ADAMTS12: variants seen among roughly 807,000 people sequenced by gnomAD.
ADAMTS12 encodes A disintegrin and metalloproteinase with thrombospondin motifs 12.
Under a neutral mutation model 167.8 loss-of-function variants are expected in ADAMTS12, and 118 were observed. The observed-to-expected ratio is 0.70, with a 90% CI of 0.61 to 0.82. ADAMTS12 has a LOEUF of 0.82. ADAMTS12 is among the 40% of genes least tolerant of loss of function. The pLI, the probability that ADAMTS12 is intolerant of heterozygous loss-of-function variation, is 0.00. For missense variants in ADAMTS12, 1,916 were observed against 1,998.8 expected, an observed-to-expected ratio of 0.96 and a Z score of 0.79; for synonymous variants, 704 against 716.9, an observed-to-expected ratio of 0.98 and a Z score of 0.29.
chr5:33,564,349 G>T (rs943578536), intron 19 of ADAMTS12, among the ~76,000 whole-genome samples: 1 of 152,214 alleles, frequency 6.6e-6, no homozygotes, highest in South Asian at 2.1e-4. Context: ...AGCTGTTGAA[G>T]CTTAGCATGG....
At chr5:33,825,273 C>G (rs1748018622) in intron 2 of ADAMTS12, among the ~76,000 whole-genome samples, 1 of 152,170 alleles carries the variant, frequency 6.6e-6, no homozygotes, top group Non-Finnish European at 1.5e-5. Flanking sequence ...AGAGTCAAGT[C>G]ATCTACTGAA....
intron 2 of ADAMTS12, among the ~76,000 whole-genome samples, chr5:33,771,397 G>A (rs1170354179): frequency 6.6e-6 from 1 of 152,134 alleles, no homozygotes; most frequent in African/African-American, 2.4e-5. Flanking sequence ...ACCTCAAAAA[G>A]TCAAAGAAAA....
chr5:33,661,801 T>C, intron 6 of ADAMTS12, 115 bp downstream of exon 6: 1 of 1,451,884 alleles, frequency 6.9e-7, no homozygotes, highest in East Asian at 2.3e-5. Flanking sequence ...ACACTGTCTT[T>C]ACAAGAGCAG....
At chr5:33,541,805 C>G (rs1744708798) in intron 22 of ADAMTS12, among the ~76,000 whole-genome samples, 1 of 152,142 alleles carries the variant, frequency 6.6e-6, no homozygotes, top group South Asian at 2.1e-4. Context: ...TTGTCACCAC[C>G]AGGCCTGCCT....
In ADAMTS12 at chr5:33,596,840, ATGT is replaced by A. The variant is rs558744448; in HGVS notation, c.2528-783_2528-781del. On this transcript the variant is annotated intron_variant, in intron 16 of 23. Coordinates refer to ENST00000504830, the MANE Select transcript of ADAMTS12 (RefSeq NM_030955.4). ...AAAGACTGAAATACAATTTAAAATA[ATGT>A]TGTGAAGTTTGAGATGTTATGTTTT... Among the ~76,000 whole-genome samples the A allele has an allele frequency of 3.8e-4, 58 of 152,344 alleles. No individual in the cohort carries two copies. In the East Asian group the frequency reaches 0.011, roughly 28 times the overall value.
At chr5:33,608,291 TATTATA>T (rs1204799986) in intron 16 of ADAMTS12, among the ~76,000 whole-genome samples, 7 of 152,278 alleles carry the variant, frequency 4.6e-5, no homozygotes, top group African/African-American at 1.7e-4. Flanking sequence ...TGCACACAAA[TATTATA>T]ATTAAAATTA....
At chr5:33,553,860 T>C (rs150019080) in intron 20 of ADAMTS12, among the ~76,000 whole-genome samples, 36 of 152,188 alleles carry the variant, frequency 2.4e-4, no homozygotes, top group African/African-American at 8.2e-4. Context: ...ACCCTGAACT[T>C]AAAAGTTAAA....
chr5:33,545,636 A>C (rs1055185570), intron 22 of ADAMTS12, among the ~76,000 whole-genome samples: 1 of 152,218 alleles, frequency 6.6e-6, no homozygotes, highest in South Asian at 2.1e-4. Flanking sequence ...TATAGACTGG[A>C]TTAAGAAAAT....
intron 2 of ADAMTS12, among the ~76,000 whole-genome samples, chr5:33,832,120 A>G (rs1458563470): frequency 6.6e-6 from 1 of 152,260 alleles, no homozygotes; most frequent in African/African-American, 2.4e-5. Context: ...ACTATCTGAT[A>G]GATTCACACG....
intron 13 of ADAMTS12, among the ~76,000 whole-genome samples, chr5:33,628,409 A>G (rs1428879168): frequency 5.3e-5 from 8 of 152,272 alleles, no homozygotes; most frequent in Admixed American, 4.6e-4. Context: ...TCTTTGATAA[A>G]CAAGCTTACT....
chr5:33,573,526 G>A (rs1306861), intron 19 of ADAMTS12, among the ~76,000 whole-genome samples: 210 of 152,272 alleles, frequency 1.4e-3, no homozygotes, highest in Middle Eastern at 3.4e-3. Context: ...ATGGTGCTGG[G>A]AAAACTGGCT....
intron 2 of ADAMTS12, among the ~76,000 whole-genome samples, chr5:33,796,235 G>C (rs1746771505): frequency 6.6e-6 from 1 of 152,214 alleles, no homozygotes; most frequent in Non-Finnish European, 1.5e-5. Context: ...CAATCACAGA[G>C]TTCATCACCA....
intron 12 of ADAMTS12, among the ~76,000 whole-genome samples, chr5:33,636,309 A>G (rs909607133): frequency 2.2e-4 from 34 of 152,196 alleles, no homozygotes; most frequent in African/African-American, 7.7e-4. Flanking sequence ...TAACAAATCA[A>G]GAATGCGCAG....
intron 19 of ADAMTS12, among the ~76,000 whole-genome samples, chr5:33,570,739 C>G (rs1490353045): frequency 1.3e-5 from 2 of 151,012 alleles, no homozygotes; most frequent in South Asian, 4.2e-4. Flanking sequence ...CAAATTCACA[C>G]ATAACAATAT....
At chr5:33,762,056 G>T (rs946339430) in intron 2 of ADAMTS12, among the ~76,000 whole-genome samples, 3 of 152,206 alleles carry the variant, frequency 2.0e-5, no homozygotes. Flanking sequence ...GTCAGGTGTC[G>T]TGGCATGCGC....
intron 2 of ADAMTS12, among the ~76,000 whole-genome samples, chr5:33,836,145 G>A (rs1156769102): frequency 6.6e-6 from 1 of 152,182 alleles, no homozygotes; most frequent in Non-Finnish European, 1.5e-5. Flanking sequence ...CAATGCGTGT[G>A]AGCACAGAAT....
rs551655701 is a variant in ADAMTS12 at position 33,737,019 on chromosome 5, A to G, written c.634+14385T>C. 2.0e-5 allele frequency among the ~76,000 whole-genome samples: 3 copies of G among 152,330 alleles called. No individual in the cohort carries two copies. The South Asian group carries it at 6.2e-4, about 32-fold the overall frequency. ...AAGTAGATGCCAGAACCAGCTGCCA[A>G]CATGTGCACTTCTACTTACTGAGAA... On this transcript the variant is annotated intron_variant, in intron 3 of 23. Transcript: ENST00000504830.
At chr5:33,698,103 G>C (rs1433473103) in intron 3 of ADAMTS12, among the ~76,000 whole-genome samples, 1 of 152,224 alleles carries the variant, frequency 6.6e-6, no homozygotes. Flanking sequence ...ATGAACAAAG[G>C]TGTGGAGAGA....
Position 33,576,349 on chromosome 5 carries a change from G to A in ADAMTS12, c.3677C>T (p.Pro1226Leu). The change falls in exon 19 of 24, where the codon CCC becomes CTC. Residue 1226 changes from proline to leucine, a missense_variant. Physicochemically the swap from Pro to Leu is moderately conservative, Grantham distance 98 (BLOSUM62 -3). Transcript: ENST00000504830. ...VMEGLLPSQRPTTSETGTPRV... is the reference protein window; with the variant it reads ...VMEGLLPSQRLTTSETGTPRV... ...GGGTGTCCCAGTTTCGGAAGTAGTG[G>A]GCCTTTGGCTGGGGAGCAGTCCTTC... 6.2e-7 allele frequency: 1 copy of A among 1,614,142 alleles called. No homozygotes were observed.
Sources: gnomAD v4.1 joint callset for allele counts (sites outside exome capture counted in the v4.1 genomes callset) on GRCh38, gnomAD v4.1.1 for gene constraint, MANE v1.5 for transcripts, NCBI Gene and HGNC (gene_info 2026-07-23, HGNC 2026-07-21) for gene names.